The following NCS1 variants were observed in gnomAD, a reference collection of about 807,000 sequenced individuals.
NCS1 encodes neuronal calcium sensor 1.
Under a neutral mutation model 28.4 loss-of-function variants are expected in NCS1, and 6 were observed. The observed-to-expected ratio is 0.21, with a 90% CI of 0.12 to 0.42. NCS1 has a LOEUF of 0.42. Among genes scored for constraint, NCS1 ranks in the 10% least tolerant of loss-of-function variants. The pLI is 1.00. For missense variants in NCS1, 131 were observed against 241.4 expected (o/e 0.54, Z 3.03); for synonymous variants, 86 against 99.3 (o/e 0.87, Z 0.79).
rs1832664163 is a variant in NCS1 at position 130,181,912 on chromosome 9, T to C, written c.64+9185T>C. Among the ~76,000 whole-genome samples the C allele has an allele frequency of 6.7e-6, 1 of 149,756 alleles. No homozygotes were observed. Among genetic ancestry groups the C allele is most frequent in the African/African-American group, 2.5e-5 (1 of 40,566 alleles). ...AGGGCAGCTCTGTACAGGTTGTAAA[T>C]GTAGGTGTGCCTGGGGGTGGGGGAC... On this transcript the variant is annotated intron_variant, in intron 1 of 7. Transcript: ENST00000372398. This position sits in a 1 kb window ranked among gnomAD's most constrained non-coding sequence, Gnocchi z 5.0.
intron 2 of NCS1, among the ~76,000 whole-genome samples, chr9:130,206,360 C>T (rs911208871): frequency 6.6e-6 from 1 of 151,660 alleles, no homozygotes; most frequent in Non-Finnish European, 1.5e-5. Context: ...TCACCGTGGC[C>T]TCCAGCTGGC....
rs1040881571 is a variant in NCS1, at chr9:130,191,584, C to A, written c.65-9374C>A. ...CTGGATGGCCGTGGGCATGGGGCTC[C>A]CCTGATGAGCCCAGGTGCCTCATCC... On this transcript the variant is annotated intron_variant, in intron 1 of 7. Coordinates refer to ENST00000372398, the MANE Select transcript of NCS1 (RefSeq NM_014286.4). The surrounding 1 kb of genome is among the most constrained non-coding windows in gnomAD (Gnocchi z 6.4). Among the ~76,000 whole-genome samples, 21 of 152,152 alleles carry A rather than the reference C, an allele frequency of 1.4e-4. No homozygotes were observed. The highest frequency in any genetic ancestry group is 5.1e-4 in the African/African-American group (21 of 41,442).
chr9:130,235,443 G>T lies in NCS1; in HGVS notation c.*2471G>T, dbSNP rs540382804. The T allele has an allele frequency of 2.0e-5, 3 of 152,546 alleles. No individual in the cohort carries two copies. The East Asian group carries it at 5.8e-4, about 29-fold the overall frequency. The allele number at this position is 152,546 out of a possible 1,614,324, so 9.4% of individuals were successfully genotyped here. On this transcript the variant is annotated 3_prime_UTR_variant, in exon 8 of 8. Transcript: ENST00000372398. ...TGGGACTGACACTGTTGTACAACCT[G>T]ACCTGTGGCTGAGGGTGTCTGGGCT...
chr9:130,193,862 T>A (rs1832846275), intron 1 of NCS1: 1 of 152,334 alleles, frequency 6.6e-6, no homozygotes. Context: ...ACTGTCTGAT[T>A]TAGTAAGATG....
chr9:130,221,403 T>TAGAGAGAG (rs1261194261), intron 4 of NCS1, among the ~76,000 whole-genome samples: 2 of 42,302 alleles, frequency 4.7e-5, no homozygotes, highest in African/African-American at 8.9e-5. Flanking sequence ...TATATATATA[T>TAGAGAGAG]ATATATATAT....
chr9:130,218,097 C>T lies in NCS1; in HGVS notation c.228+127C>T. 3.4e-6 allele frequency: 4 copies of T among 1,189,006 alleles called. 1 individual carries two copies. The South Asian group carries it at 5.1e-5, about 15-fold the overall frequency. The allele number at this position is 1,189,006 out of a possible 1,614,324, so 73.7% of individuals were successfully genotyped here. A position where few individuals can be genotyped will look rare whatever the true frequency, so the allele number is the denominator to read the frequency against. ...GAAGGAACACACACACGAGTGCATACTGACATGCACAGATACATAGTCGCA... is the reference window on the plus strand; with the variant it reads ...GAAGGAACACACACACGAGTGCATATTGACATGCACAGATACATAGTCGCA... On this transcript the variant is annotated intron_variant, in intron 3 of 7. Coordinates refer to ENST00000372398, the MANE Select transcript of NCS1 (RefSeq NM_014286.4).
At chr9:130,208,567 G>T (rs542421565) in intron 2 of NCS1, among the ~76,000 whole-genome samples, 1 of 152,234 alleles carries the variant, frequency 6.6e-6, no homozygotes, top group Admixed American at 6.5e-5. Flanking sequence ...GAGCCACTGC[G>T]CCTGACTCTA....
intron 1 of NCS1, among the ~76,000 whole-genome samples, chr9:130,182,923 TGGG>T (rs1364135531): frequency 1.3e-5 from 2 of 152,192 alleles, no homozygotes; most frequent in Non-Finnish European, 2.9e-5. Context: ...GTGTGGGTTT[TGGG>T]GGCATGGTGG....
At chr9:130,231,958 G>GT (rs1833506726) in intron 7 of NCS1, among the ~76,000 whole-genome samples, 1 of 149,982 alleles carries the variant, frequency 6.7e-6, no homozygotes, top group South Asian at 2.2e-4. Context: ...TGTGGTTTTT[G>GT]TTTTTTGAGA....
chr9:130,175,240 C>G lies in NCS1; in HGVS notation c.64+2513C>G, dbSNP rs1832548136. On this transcript the variant is annotated intron_variant, in intron 1 of 7. Coordinates refer to ENST00000372398, the MANE Select transcript of NCS1 (RefSeq NM_014286.4). The surrounding 1 kb of genome is among the most constrained non-coding windows in gnomAD (Gnocchi z 4.9). ...CAGAATGAAAAGTCTCCCAACAGGA[C>G]AAGCAGAGAAAGCTTCCAGCTTGTT... is the stretch of plus-strand genomic sequence containing the variant. Among the ~76,000 whole-genome samples, 1 of 152,120 alleles carries G rather than the reference C, an allele frequency of 6.6e-6. No individual in the cohort carries two copies. Among genetic ancestry groups the G allele is most frequent in the Non-Finnish European group, 1.5e-5 (1 of 68,026 alleles).
intron 1 of NCS1, among the ~76,000 whole-genome samples, chr9:130,193,493 G>T (rs868964832): frequency 2.6e-5 from 4 of 152,132 alleles, no homozygotes; most frequent in Admixed American, 6.5e-5. Flanking sequence ...GGTTGGATGG[G>T]ACTTGTCTGC....
intron 1 of NCS1, among the ~76,000 whole-genome samples, chr9:130,173,206 G>GT (rs1195953003): frequency 1.3e-5 from 2 of 151,802 alleles, no homozygotes; most frequent in Non-Finnish European, 2.9e-5. Flanking sequence ...GTGTGGGGGG[G>GT]GGGGTGGCGA....
intron 1 of NCS1, among the ~76,000 whole-genome samples, chr9:130,199,196 C>T (rs554322707): frequency 2.0e-5 from 3 of 151,938 alleles, no homozygotes; most frequent in African/African-American, 4.8e-5. Context: ...CGGGTTCAAG[C>T]GATTCTCCTG....
At chr9:130,203,550 C>T (rs886616026) in intron 2 of NCS1, among the ~76,000 whole-genome samples, 2 of 152,174 alleles carry the variant, frequency 1.3e-5, no homozygotes, top group South Asian at 2.1e-4. Flanking sequence ...AAGGGACAGA[C>T]GTGAGCAGCT....
chr9:130,183,902 C>G (rs1832705692), intron 1 of NCS1, among the ~76,000 whole-genome samples: 1 of 151,644 alleles, frequency 6.6e-6, no homozygotes, highest in African/African-American at 2.4e-5. Context: ...CTCTGCCTCC[C>G]GGGTTCACGC....
At chr9:130,214,090 G>A (rs947619248) in intron 2 of NCS1, among the ~76,000 whole-genome samples, 4 of 152,326 alleles carry the variant, frequency 2.6e-5, no homozygotes, top group Middle Eastern at 3.4e-3. Flanking sequence ...GGCCTCATGC[G>A]GGTCATCAGG....
chr9:130,214,544 G>A (rs549723455), intron 2 of NCS1, among the ~76,000 whole-genome samples: 7 of 152,312 alleles, frequency 4.6e-5, no homozygotes, highest in Admixed American at 2.0e-4. Flanking sequence ...TGCTGGAGGC[G>A]GGACGAGGAC....
chr9:130,212,900 G>A (rs1351545871), intron 2 of NCS1, among the ~76,000 whole-genome samples: 1 of 152,128 alleles, frequency 6.6e-6, no homozygotes, highest in African/African-American at 2.4e-5. Context: ...ACCATGGTGT[G>A]AAATCCCAGC....
intron 2 of NCS1, among the ~76,000 whole-genome samples, chr9:130,203,307 G>A (rs534479728): frequency 6.6e-6 from 1 of 152,038 alleles, no homozygotes; most frequent in African/African-American, 2.4e-5. Flanking sequence ...GTAGAGACGG[G>A]GTTTTGCCAT....
Sources: allele counts gnomAD v4.1 joint callset (sites outside exome capture counted in the v4.1 genomes callset), GRCh38; gene constraint gnomAD v4.1.1; non-coding constraint Gnocchi (gnomAD v3.1); transcripts MANE v1.5; gene names NCBI Gene and HGNC (gene_info 2026-07-23, HGNC 2026-07-21).